The following RNF220 variants were observed in gnomAD, a reference collection of about 807,000 sequenced individuals.
RNF220 encodes ring finger protein 220.
In RNF220, 7 loss-of-function variants were observed where a neutral mutation model predicts 67.1. The observed-to-expected ratio is 0.10, with a 90% CI of 0.06 to 0.20. The LOEUF (loss-of-function observed/expected upper bound fraction) is 0.20. RNF220 is among the 10% of genes least tolerant of loss of function. The probability of loss-of-function intolerance (pLI) is 1.00; values close to 1 mark genes in which losing one functional copy is unlikely to be tolerated. For missense variants in RNF220, 565 were observed against 740.3 expected, an observed-to-expected ratio of 0.76 and a Z score of 2.75; for synonymous variants, 270 against 283.2, an observed-to-expected ratio of 0.95 and a Z score of 0.47.
chr1:44,532,465 G>T (rs1660907695), intron 2 of RNF220, among the ~76,000 whole-genome samples: 1 of 152,082 alleles, frequency 6.6e-6, no homozygotes. Flanking sequence ...TGTGTATTTT[G>T]GCATCTTTTA....
At chr1:44,469,814 C>T (rs185715129) in intron 2 of RNF220, among the ~76,000 whole-genome samples, 1 of 152,250 alleles carries the variant, frequency 6.6e-6, no homozygotes, top group Non-Finnish European at 1.5e-5. Flanking sequence ...CAGAGGCAAT[C>T]GCAGGTGCAA....
intron 2 of RNF220, among the ~76,000 whole-genome samples, chr1:44,514,821 G>T (rs1659327032): frequency 1.3e-5 from 2 of 152,194 alleles, no homozygotes; most frequent in South Asian, 4.1e-4. Flanking sequence ...GGCTTTAGAG[G>T]TTCTGAAGTT....
intron 2 of RNF220, among the ~76,000 whole-genome samples, chr1:44,483,623 G>A (rs1428617128): frequency 6.6e-6 from 1 of 152,200 alleles, no homozygotes; most frequent in Non-Finnish European, 1.5e-5. Flanking sequence ...TAGTGGGCTA[G>A]CAGGTTACTC....
chr1:44,644,666 C>T lies in RNF220; in HGVS notation c.1127-32C>T, dbSNP rs1644585003. 1.9e-6 allele frequency: 3 copies of T among 1,585,402 alleles called. No homozygotes were observed. The South Asian group carries it at 3.3e-5, about 18-fold the overall frequency. On this transcript the variant is annotated intron_variant, in intron 8 of 14. Coordinates refer to ENST00000361799, the MANE Select transcript of RNF220 (RefSeq NM_018150.4). ...GGGGCACCCTTGGCCTCGTCTTGTC[C>T]CCAGGCCCTCCTCACACCCTGCTTC... is the stretch of plus-strand genomic sequence containing the variant.
chr1:44,605,664 T>C (rs934759296), intron 2 of RNF220, among the ~76,000 whole-genome samples: 2 of 152,104 alleles, frequency 1.3e-5, no homozygotes, highest in African/African-American at 2.4e-5. Context: ...CACAAGAGGC[T>C]TCGGGAACAC....
At chr1:44,579,538 C>G (rs189462102) in intron 2 of RNF220, among the ~76,000 whole-genome samples, 48 of 152,316 alleles carry the variant, frequency 3.2e-4, no homozygotes, top group Non-Finnish European at 6.3e-4. Context: ...GCCTGTTTGT[C>G]TAAGGGCAAG....
At chr1:44,441,504 A>G (rs1651548217) in intron 2 of RNF220, among the ~76,000 whole-genome samples, 1 of 152,252 alleles carries the variant, frequency 6.6e-6, no homozygotes, top group African/African-American at 2.4e-5. Context: ...AGGAAGAAGT[A>G]AAAGACGCAG....
chr1:44,651,313 C>T lies in RNF220; in HGVS notation c.*538C>T, dbSNP rs1051664. ...CTCGGCCCATCCACCTCTTGGGGTA[C>T]CTGCCTCTCTCTCTCCTGTGGTGTC... On this transcript the variant is annotated 3_prime_UTR_variant, in exon 15 of 15. Coordinates refer to ENST00000361799, the MANE Select transcript of RNF220 (RefSeq NM_018150.4). The T allele has an allele frequency of 0.36, 62,639 of 174,666 alleles. 11,887 individuals carry two copies. The highest frequency in any genetic ancestry group is 0.4 in the Middle Eastern group (143 of 356). 10.8% of individuals were successfully genotyped at this position (174,666 alleles called of 1,614,324 possible). A position where few individuals can be genotyped will look rare whatever the true frequency, so the allele number is the denominator to read the frequency against.
intron 2 of RNF220, among the ~76,000 whole-genome samples, chr1:44,595,462 G>T (rs1335872992): frequency 2.6e-5 from 4 of 152,224 alleles, no homozygotes; most frequent in African/African-American, 9.6e-5. Flanking sequence ...AGCAGGTACA[G>T]GATGGGCCAG....
intron 2 of RNF220, among the ~76,000 whole-genome samples, chr1:44,440,264 C>T (rs1356575873): frequency 6.6e-6 from 1 of 152,198 alleles, no homozygotes. Context: ...GGTACTGAAC[C>T]TTTTCATCAT....
intron 2 of RNF220, among the ~76,000 whole-genome samples, chr1:44,476,714 A>G: frequency 6.6e-6 from 1 of 152,196 alleles, no homozygotes; most frequent in East Asian, 1.9e-4. Flanking sequence ...TGGGCTTGCA[A>G]CCATCAGGCT....
chr1:44,562,654 G>C (rs577500409), intron 2 of RNF220, among the ~76,000 whole-genome samples: 1 of 152,264 alleles, frequency 6.6e-6, no homozygotes, highest in East Asian at 1.9e-4. Context: ...GGGTTGGGGG[G>C]TTGGTGCCTG....
At chr1:44,482,379 T>C (rs1655898675) in intron 2 of RNF220, among the ~76,000 whole-genome samples, 1 of 152,070 alleles carries the variant, frequency 6.6e-6, no homozygotes, top group Admixed American at 6.5e-5. Flanking sequence ...GGTGAAGACA[T>C]TTGAAGGAAG....
At chr1:44,631,008 A>C (rs1410074152) in intron 5 of RNF220, among the ~76,000 whole-genome samples, 1 of 152,252 alleles carries the variant, frequency 6.6e-6, no homozygotes, top group East Asian at 1.9e-4. Flanking sequence ...AGACGGGAAC[A>C]GCTGCAAATT....
At chr1:44,549,955 A>G (rs181696965) in intron 2 of RNF220, among the ~76,000 whole-genome samples, 7 of 152,318 alleles carry the variant, frequency 4.6e-5, no homozygotes, top group Admixed American at 3.9e-4. Context: ...CCTGTCTCCA[A>G]AAAGTGAAGC....
Position 44,475,544 on chromosome 1 carries a change from T to C in RNF220, c.625+62822T>C, listed in dbSNP as rs57310131. Among the ~76,000 whole-genome samples the C allele has an allele frequency of 5.2e-3, 650 of 124,950 alleles. 12 individuals carry two copies. The highest frequency in any genetic ancestry group is 0.02 in the African/African-American group (611 of 30,722). The allele number at this position is 124,950 out of a possible 152,430, so 82.0% of individuals were successfully genotyped here. On this transcript the variant is annotated intron_variant, in intron 2 of 14. Transcript: ENST00000361799. Reference sequence around the variant, plus strand: ...GAGATCGAGCCACTGCACTCCAGCCTGGCAACAGTGTGAGACTCGGTCTCA... The same window carrying C: ...GAGATCGAGCCACTGCACTCCAGCCCGGCAACAGTGTGAGACTCGGTCTCA...
intron 2 of RNF220, among the ~76,000 whole-genome samples, chr1:44,536,084 AG>A (rs1661198583): frequency 6.6e-6 from 1 of 152,114 alleles, no homozygotes; most frequent in Non-Finnish European, 1.5e-5. Flanking sequence ...TCCCAATTCC[AG>A]GGCCTTCCTG....
chr1:44,410,652 G>T (rs1330682132), intron 1 of RNF220: 1 of 152,184 alleles, frequency 6.6e-6, no homozygotes, highest in Non-Finnish European at 1.5e-5. Context: ...TTTAACTGAT[G>T]TTTCTCTGTT....
chr1:44,437,083 G>A (rs1651051975), intron 2 of RNF220, among the ~76,000 whole-genome samples: 1 of 152,152 alleles, frequency 6.6e-6, no homozygotes, highest in Non-Finnish European at 1.5e-5. Context: ...CTTATTGAAC[G>A]AGCCTCAATC....
Sources: allele counts gnomAD v4.1 joint callset (sites outside exome capture counted in the v4.1 genomes callset), GRCh38; gene constraint gnomAD v4.1.1; transcripts MANE v1.5; gene names NCBI Gene and HGNC (gene_info 2026-07-23, HGNC 2026-07-21).